Variants in DLGAP1 observed in about 807,000 individuals in gnomAD.
The protein encoded by DLGAP1 is DLG associated protein 1.
DLGAP1 carries 11 observed loss-of-function variants against 90.8 expected under a neutral mutation model. That is an observed-to-expected ratio of 0.12 (90% CI 0.08 to 0.20). DLGAP1 has a LOEUF of 0.20. Ranked by LOEUF, DLGAP1 falls within the 10% of genes least tolerant of loss-of-function variation. The pLI is 1.00. For missense variants in DLGAP1, 1,050 were observed against 1,333.8 expected (o/e 0.79, Z 3.31); for synonymous variants, 558 against 540.7 (o/e 1.03, Z -0.44).
chr18:3,663,316 T>A lies in DLGAP1; in HGVS notation c.1591+65819A>T, dbSNP rs2059754520. On this transcript the variant is annotated intron_variant, in intron 7 of 12. Coordinates refer to ENST00000315677, the MANE Select transcript of DLGAP1 (RefSeq NM_004746.4). Reference sequence around the variant, plus strand: ...TCTCAAACTTGAGCTTGAGATAAGGTTTTTGAAGTCTTTAGAAGGGGTGAG... The same window carrying A: ...TCTCAAACTTGAGCTTGAGATAAGGATTTTGAAGTCTTTAGAAGGGGTGAG... Among the ~76,000 whole-genome samples the A allele has an allele frequency of 2.6e-5, 4 of 151,456 alleles. No individual in the cohort carries two copies. The South Asian group carries it at 6.3e-4, about 24-fold the overall frequency.
At chr18:3,765,631 C>T (rs1415950517) in intron 5 of DLGAP1, among the ~76,000 whole-genome samples, 8 of 151,760 alleles carry the variant, frequency 5.3e-5, no homozygotes, top group African/African-American at 1.5e-4. Flanking sequence ...GTCAGGAGTT[C>T]GAAACCAGCC....
intron 1 of DLGAP1, among the ~76,000 whole-genome samples, chr18:4,421,727 G>T (rs991662099): frequency 1.3e-5 from 2 of 151,892 alleles, no homozygotes; most frequent in African/African-American, 4.8e-5. Flanking sequence ...TATTTTTTGG[G>T]GGATGGAGTC....
chr18:4,030,451 T>C (rs1262181006), intron 2 of DLGAP1, among the ~76,000 whole-genome samples: 1 of 152,168 alleles, frequency 6.6e-6, no homozygotes, highest in Non-Finnish European at 1.5e-5. Flanking sequence ...AGCTAAGGAA[T>C]CCAGGAATGG....
At chr18:3,898,908 T>TTAAAGTAAAGTAAAGTAAAG (rs113841351) in intron 3 of DLGAP1, among the ~76,000 whole-genome samples, 1 of 151,950 alleles carries the variant, frequency 6.6e-6, no homozygotes, top group African/African-American at 2.4e-5. Flanking sequence ...GATAGGCCAT[T>TTAAAGTAAAGTAAAGTAAAG]TAAAGTAAAG....
At chr18:4,112,129 C>T (rs920784309) in intron 2 of DLGAP1, among the ~76,000 whole-genome samples, 1 of 151,932 alleles carries the variant, frequency 6.6e-6, no homozygotes, top group African/African-American at 2.4e-5. Context: ...GTACGTTGTA[C>T]TTTAATTTTC....
Position 3,760,174 on chromosome 18 carries a change from G to C in DLGAP1, c.1173-17662C>G, listed in dbSNP as rs1364102850. Among the ~76,000 whole-genome samples the C allele has an allele frequency of 1.3e-5, 2 of 152,162 alleles. 1 individual carries two copies. Among genetic ancestry groups the C allele is most frequent in the South Asian group, 4.2e-4 (2 of 4,818 alleles). On this transcript the variant is annotated intron_variant, in intron 5 of 12. Coordinates refer to ENST00000315677, the MANE Select transcript of DLGAP1 (RefSeq NM_004746.4). ...TTATATGTTTGTTATGTAAGTGTGT[G>C]GGGGGCAGGGGTGGTAGGGTGTGAA...
chr18:3,588,476 A>G (rs1470401860), intron 7 of DLGAP1, among the ~76,000 whole-genome samples: 1 of 150,762 alleles, frequency 6.6e-6, no homozygotes, highest in Non-Finnish European at 1.5e-5. Flanking sequence ...AAAAAAAGTT[A>G]TATTTTTAAG....
chr18:3,859,422 G>A (rs1039699195), intron 4 of DLGAP1, among the ~76,000 whole-genome samples: 7 of 152,150 alleles, frequency 4.6e-5, no homozygotes, highest in African/African-American at 1.7e-4. Context: ...CCCCAAAGAC[G>A]CCCATGTCTT....
intron 3 of DLGAP1, among the ~76,000 whole-genome samples, chr18:3,914,768 T>C (rs1407932632): frequency 6.6e-6 from 1 of 152,200 alleles, no homozygotes; most frequent in Non-Finnish European, 1.5e-5. Context: ...TATTATTATT[T>C]TTTGAGACAG....
chr18:4,426,243 G>A (rs1040062555), intron 1 of DLGAP1, among the ~76,000 whole-genome samples: 7 of 152,152 alleles, frequency 4.6e-5, no homozygotes, highest in African/African-American at 1.7e-4. Flanking sequence ...CACCCTTAGT[G>A]CATGTAGAAA....
chr18:3,901,020 A>G (rs916337619), intron 3 of DLGAP1, among the ~76,000 whole-genome samples: 3 of 151,898 alleles, frequency 2.0e-5, no homozygotes, highest in Non-Finnish European at 4.4e-5. Context: ...AATGACGACT[A>G]GGACCCTTGC....
At chr18:3,888,432 A>T (rs1349111557) in intron 3 of DLGAP1, among the ~76,000 whole-genome samples, 1 of 152,202 alleles carries the variant, frequency 6.6e-6, no homozygotes, top group Non-Finnish European at 1.5e-5. Flanking sequence ...CTTTTCATTA[A>T]CATTAATTGC....
intron 3 of DLGAP1, among the ~76,000 whole-genome samples, chr18:3,958,765 C>T (rs1350652314): frequency 6.6e-6 from 1 of 152,154 alleles, no homozygotes; most frequent in Non-Finnish European, 1.5e-5. Context: ...GACAGCTTCT[C>T]AGGAGCTGAT....
intron 1 of DLGAP1, among the ~76,000 whole-genome samples, chr18:4,205,445 C>G (rs923799380): frequency 9.2e-5 from 14 of 152,184 alleles, no homozygotes; most frequent in African/African-American, 3.1e-4. Context: ...TGGACCTGCA[C>G]TATCTGATAT....
intron 3 of DLGAP1, among the ~76,000 whole-genome samples, chr18:3,939,762 T>A (rs919023584): frequency 6.6e-6 from 1 of 152,042 alleles, no homozygotes; most frequent in Admixed American, 6.6e-5. Context: ...AAAAATATGG[T>A]GGTAATGTGC....
chr18:3,601,164 G>A (rs1219647526), intron 7 of DLGAP1, among the ~76,000 whole-genome samples: 1 of 151,752 alleles, frequency 6.6e-6, no homozygotes, highest in Non-Finnish European at 1.5e-5. Context: ...TCAGCTCACT[G>A]CAACCTCCAC....
intron 1 of DLGAP1, among the ~76,000 whole-genome samples, chr18:4,362,150 C>T (rs955630582): frequency 1.3e-5 from 2 of 152,150 alleles, no homozygotes; most frequent in African/African-American, 4.8e-5. Flanking sequence ...TAAAATGTTA[C>T]AGCCACTATA....
chr18:3,914,603 T>C (rs1266679754), intron 3 of DLGAP1, among the ~76,000 whole-genome samples: 5 of 152,162 alleles, frequency 3.3e-5, no homozygotes, highest in Middle Eastern at 3.2e-3. Context: ...CTGGATTCGA[T>C]GGTAGTTTTG....
intron 1 of DLGAP1, among the ~76,000 whole-genome samples, chr18:4,213,147 G>A (rs745718486): frequency 1.1e-4 from 16 of 152,156 alleles, no homozygotes; most frequent in Non-Finnish European, 1.5e-4. Context: ...AGTCTCTGCC[G>A]TTCCTTGAAG....
Sources: allele counts gnomAD v4.1 joint callset (sites outside exome capture counted in the v4.1 genomes callset), GRCh38; gene constraint gnomAD v4.1.1; transcripts MANE v1.5; gene names NCBI Gene and HGNC (gene_info 2026-07-23, HGNC 2026-07-21).